Variants in EIPR1 observed in about 807,000 individuals in gnomAD.
The protein encoded by EIPR1 is EARP complex and GARP complex interacting protein 1.
Under a neutral mutation model 48.1 loss-of-function variants are expected in EIPR1, and 25 were observed. The ratio of observed to expected loss-of-function variants is 0.52; its 90% CI spans 0.38 to 0.73. The LOEUF (loss-of-function observed/expected upper bound fraction) is 0.73. Ranked by LOEUF, EIPR1 falls within the 30% of genes least tolerant of loss-of-function variation. The pLI is 0.00. For missense variants in EIPR1, 415 were observed against 506.2 expected (o/e 0.82, Z 1.73); for synonymous variants, 204 against 201.9 (o/e 1.01, Z -0.09).
rs1664534255 is a variant in EIPR1 at position 3,189,667 on chromosome 2, G to A, written c.990-159C>T. 1.3e-5 allele frequency among the ~76,000 whole-genome samples: 2 copies of A among 152,322 alleles called. No individual in the cohort carries two copies. The highest frequency in any genetic ancestry group is 1.9e-4 in the East Asian group (1 of 5,172). On this transcript the variant is annotated intron_variant, in intron 8 of 8. Transcript: ENST00000382125. The surrounding 1 kb of genome is among the most constrained non-coding windows in gnomAD (Gnocchi z 4.6). Reference sequence around the variant, plus strand: ...GGGAAGAATTAGAGGAGCCCACACCGAGGACGGTGGGGTGGTCCCTGCAGA... The same window carrying A: ...GGGAAGAATTAGAGGAGCCCACACCAAGGACGGTGGGGTGGTCCCTGCAGA...
chr2:3,347,007 G>A lies in EIPR1; in HGVS notation c.126+7543C>T, dbSNP rs12614032. Among the ~76,000 whole-genome samples the A allele has an allele frequency of 1.0e-2, 1,516 of 152,230 alleles. 169 individuals carry two copies. The East Asian group carries it at 0.23, about 24-fold the overall frequency. On this transcript the variant is annotated intron_variant, in intron 2 of 8. Coordinates refer to ENST00000382125, the MANE Select transcript of EIPR1 (RefSeq NM_003310.5). ...GGCTGGGTGCTGTCTTCATGATAGC[G>A]AGTTCTTCTGATATCTGGCCATTGA...
chr2:3,360,892 C>T (rs1363783591), intron 1 of EIPR1, among the ~76,000 whole-genome samples: 1 of 151,030 alleles, frequency 6.6e-6, no homozygotes, highest in African/African-American at 2.4e-5. Context: ...CAGGATGACC[C>T]TCAGGAAGAG....
intron 3 of EIPR1, among the ~76,000 whole-genome samples, chr2:3,272,204 T>C (rs771810545): frequency 6.6e-5 from 10 of 152,238 alleles, no homozygotes; most frequent in Non-Finnish European, 1.3e-4. Context: ...ATTTGGATCA[T>C]CTATCCAGAC....
intron 3 of EIPR1, chr2:3,319,781 A>ACCTGTGGGCAACACCACC (rs1553300501): frequency 2.2e-5 from 2 of 92,114 alleles, no homozygotes; most frequent in African/African-American, 5.3e-5. Flanking sequence ...GCAATACTGC[A>ACCTGTGGGCAACACCACC]CCTGCGGGCA....
intron 5 of EIPR1, 150 bp from the exon 6 acceptor site, chr2:3,197,167 C>A: frequency 1.0e-6 from 1 of 981,446 alleles, no homozygotes; most frequent in Non-Finnish European, 1.4e-6. Flanking sequence ...TGTTTCCTTT[C>A]CTTAAATGGC....
chr2:3,194,635 C>G (rs1254051864), intron 6 of EIPR1, among the ~76,000 whole-genome samples: 1 of 149,930 alleles, frequency 6.7e-6, no homozygotes, highest in Admixed American at 6.6e-5. Context: ...TACATACATA[C>G]ACATACAACA....
intron 1 of EIPR1, among the ~76,000 whole-genome samples, chr2:3,360,358 C>T (rs896107317): frequency 6.6e-5 from 10 of 150,834 alleles, no homozygotes; most frequent in Non-Finnish European, 1.2e-4. Flanking sequence ...GAACCTAGAT[C>T]GTGCCATTGC....
chr2:3,257,912 A>G (rs533398661), intron 3 of EIPR1, among the ~76,000 whole-genome samples: 1 of 152,320 alleles, frequency 6.6e-6, no homozygotes, highest in South Asian at 2.1e-4. Context: ...TCCATTCGGA[A>G]ATCCTGTCAC....
intron 3 of EIPR1, among the ~76,000 whole-genome samples, chr2:3,305,035 ACCCTCCACTCCCGT>A (rs1668888896): frequency 6.0e-5 from 2 of 33,154 alleles, no homozygotes; most frequent in African/African-American, 1.3e-4. Context: ...GTCCAGTTCA[ACCCTCCACTCCCGT>A]CCAGTTCAAC....
chr2:3,370,125 A>T (rs1346985819), intron 1 of EIPR1, among the ~76,000 whole-genome samples: 1 of 152,206 alleles, frequency 6.6e-6, no homozygotes, highest in Non-Finnish European at 1.5e-5. Flanking sequence ...ACCCAGGCAA[A>T]CAGGGTCTGG....
chr2:3,283,938 T>A (rs1572394675), intron 3 of EIPR1, among the ~76,000 whole-genome samples: 5 of 96,212 alleles, frequency 5.2e-5, no homozygotes, highest in South Asian at 3.1e-4. Flanking sequence ...AAAGCGAGAC[T>A]ACATCTAAAA....
intron 5 of EIPR1, among the ~76,000 whole-genome samples, chr2:3,197,689 G>A (rs939109858): frequency 5.9e-5 from 9 of 152,242 alleles, no homozygotes; most frequent in Non-Finnish European, 8.8e-5. Context: ...TGGCTGCATC[G>A]TTATTTCAAT....
intron 2 of EIPR1, among the ~76,000 whole-genome samples, chr2:3,347,060 G>A (rs185778529): frequency 6.6e-6 from 1 of 152,162 alleles, no homozygotes; most frequent in East Asian, 1.9e-4. Context: ...CTCACTCTTT[G>A]CTCCCGCCCT....
chr2:3,218,195 C>T (rs1665710150), intron 4 of EIPR1, among the ~76,000 whole-genome samples: 1 of 150,318 alleles, frequency 6.7e-6, no homozygotes, highest in African/African-American at 2.5e-5. Flanking sequence ...CCCTGATACG[C>T]TCTAGAGCTT....
At chr2:3,282,480 GTC>G (rs1668042198) in intron 3 of EIPR1, 1 of 152,264 alleles carries the variant, frequency 6.6e-6, no homozygotes, top group South Asian at 2.1e-4. Context: ...CCAGATTGCG[GTC>G]TCTGTCTCGT....
At chr2:3,337,602 T>C (rs1441749237) in intron 3 of EIPR1, among the ~76,000 whole-genome samples, 1 of 152,124 alleles carries the variant, frequency 6.6e-6, no homozygotes, top group African/African-American at 2.4e-5. Flanking sequence ...CTATGAGGCA[T>C]ATCACCAGTC....
chr2:3,210,446 T>G (rs2123750), intron 5 of EIPR1, among the ~76,000 whole-genome samples: 148,213 of 152,142 alleles, frequency 0.97, 72,314 homozygotes, highest in East Asian at 1. Context: ...CAGAGGACAA[T>G]GGACAGACAT....
At chr2:3,237,325 C>G (rs1463892101) in intron 4 of EIPR1, among the ~76,000 whole-genome samples, 1 of 150,946 alleles carries the variant, frequency 6.6e-6, no homozygotes, top group Non-Finnish European at 1.5e-5. Context: ...GTTGCAGTTA[C>G]CTGAGGTCAG....
At chr2:3,348,555 C>T (rs930519194) in intron 2 of EIPR1, among the ~76,000 whole-genome samples, 30 of 152,202 alleles carry the variant, frequency 2.0e-4, no homozygotes, top group African/African-American at 7.2e-4. Flanking sequence ...CCCAGAAATC[C>T]TTGTCCCGCC....
Sources: gnomAD v4.1 joint callset for allele counts (sites outside exome capture counted in the v4.1 genomes callset) on GRCh38, gnomAD v4.1.1 for gene constraint, Gnocchi (gnomAD v3.1) non-coding constraint, MANE v1.5 for transcripts, NCBI Gene and HGNC (gene_info 2026-07-23, HGNC 2026-07-21) for gene names.